MED27: variants seen among roughly 807,000 people sequenced by gnomAD.
MED27 encodes the protein mediator complex subunit 27.
A neutral mutation model predicts 38.2 loss-of-function variants in MED27; 30 were observed. The observed-to-expected ratio is 0.79, with a 90% confidence interval of 0.59 to 1.07. The LOEUF is 1.07. MED27 is among the 50% of genes least tolerant of loss of function. MED27 has a pLI of 0.00. For missense variants in MED27, 289 were observed against 397.5 expected (o/e 0.73, Z 2.32); for synonymous variants, 122 against 153.5 (o/e 0.79, Z 1.52).
intron 4 of MED27, among the ~76,000 whole-genome samples, chr9:131,909,072 G>A (rs373301169): frequency 6.6e-6 from 1 of 152,088 alleles, no homozygotes; most frequent in Non-Finnish European, 1.5e-5. Context: ...GAATTGATAT[G>A]ATTTGCTGAT....
At position 132,009,536 on chromosome 9, in the gene MED27, G is replaced by T. The variant is rs912850140; in HGVS notation, c.479+4801C>A. Reference sequence around the variant, plus strand: ...CATGAGGATATTCAAGCAGCCTGCGGAGAGGCCTAGGTGGAGAGGAACCGA... The same window carrying T: ...CATGAGGATATTCAAGCAGCCTGCGTAGAGGCCTAGGTGGAGAGGAACCGA... On this transcript the variant is annotated intron_variant, in intron 3 of 7. Coordinates refer to ENST00000292035, the MANE Select transcript of MED27 (RefSeq NM_004269.4). Among the ~76,000 whole-genome samples, 7 of 152,338 alleles carry T rather than the reference G, an allele frequency of 4.6e-5. No individual in the cohort carries two copies. The South Asian group carries it at 6.2e-4, about 14-fold the overall frequency.
intron 3 of MED27, among the ~76,000 whole-genome samples, chr9:131,986,375 G>A (rs1831850198): frequency 6.6e-6 from 1 of 152,128 alleles, no homozygotes; most frequent in African/African-American, 2.4e-5. Flanking sequence ...TAGAGGCAGG[G>A]TCTTGCTATG....
intron 2 of MED27, among the ~76,000 whole-genome samples, chr9:132,028,754 T>C (rs1832884227): frequency 6.6e-6 from 1 of 152,052 alleles, no homozygotes; most frequent in Non-Finnish European, 1.5e-5. Flanking sequence ...CCAGAGATCA[T>C]CTGCAACAGA....
chr9:131,922,238 T>C (rs532963642), intron 4 of MED27, among the ~76,000 whole-genome samples: 8 of 152,146 alleles, frequency 5.3e-5, no homozygotes, highest in African/African-American at 1.7e-4. Flanking sequence ...CCACAGCTAT[T>C]GTTAAAGAAA....
At chr9:131,907,343 G>A (rs922926571) in intron 4 of MED27, among the ~76,000 whole-genome samples, 7 of 152,028 alleles carry the variant, frequency 4.6e-5, no homozygotes, top group Non-Finnish European at 1.0e-4. Flanking sequence ...CTCAGCCTGC[G>A]AGTGCCTGCG....
At chr9:131,865,958 G>A (rs1279038454) in intron 6 of MED27, among the ~76,000 whole-genome samples, 1 of 152,168 alleles carries the variant, frequency 6.6e-6, no homozygotes, top group African/African-American at 2.4e-5. Flanking sequence ...GCACTGCCAC[G>A]TGGCCACCAG....
At chr9:131,866,173 A>G (rs1838733584) in intron 6 of MED27, among the ~76,000 whole-genome samples, 1 of 152,014 alleles carries the variant, frequency 6.6e-6, no homozygotes, top group Non-Finnish European at 1.5e-5. Context: ...CCTGATCTTT[A>G]TTTGAGCTCA....
intron 4 of MED27, among the ~76,000 whole-genome samples, chr9:131,935,546 C>T (rs1199648488): frequency 6.6e-6 from 1 of 152,138 alleles, no homozygotes; most frequent in Non-Finnish European, 1.5e-5. Flanking sequence ...CCAGATACGA[C>T]CACCATCAGG....
rs185510379 is a variant in MED27, at chr9:132,067,633, T to C, written c.348+9809A>G. On this transcript the variant is annotated intron_variant, in intron 2 of 7. Coordinates refer to ENST00000292035, the MANE Select transcript of MED27 (RefSeq NM_004269.4). ...AAATGCAGGATGTCTGGGCTCCATT[T>C]TCACGTATGGACTCCAGTCCTCGCC... 1.2e-3 allele frequency among the ~76,000 whole-genome samples: 176 copies of C among 152,330 alleles called. 5 individuals carry two copies. The highest frequency in any genetic ancestry group is 0.011 in the Admixed American group (174 of 15,306).
At chr9:131,979,340 T>C (rs1450195035) in intron 3 of MED27, among the ~76,000 whole-genome samples, 3 of 152,156 alleles carry the variant, frequency 2.0e-5, no homozygotes, top group Non-Finnish European at 4.4e-5. Context: ...CTCTGCAATC[T>C]CGTTTTAAGC....
chr9:131,995,816 TG>T (rs1010703772), intron 3 of MED27, among the ~76,000 whole-genome samples: 1 of 152,176 alleles, frequency 6.6e-6, no homozygotes, highest in Non-Finnish European at 1.5e-5. Context: ...AGATGGGGTA[TG>T]GGGTACCATC....
intron 3 of MED27, among the ~76,000 whole-genome samples, chr9:131,978,781 T>C (rs1406596628): frequency 6.6e-6 from 1 of 152,240 alleles, no homozygotes; most frequent in Non-Finnish European, 1.5e-5. Context: ...CCAAATGGGC[T>C]GAAACACACT....
intron 2 of MED27, among the ~76,000 whole-genome samples, chr9:132,046,270 A>G (rs770676151): frequency 6.6e-6 from 1 of 152,222 alleles, no homozygotes; most frequent in Non-Finnish European, 1.5e-5. Context: ...CAACTAAGTA[A>G]AGATGAAAGT....
intron 4 of MED27, among the ~76,000 whole-genome samples, chr9:131,914,711 C>G (rs1480538987): frequency 6.6e-6 from 1 of 152,170 alleles, no homozygotes; most frequent in Non-Finnish European, 1.5e-5. Flanking sequence ...CTGAGCAGAA[C>G]AGTGACACTG....
At chr9:132,072,533 TC>T (rs1253797139) in intron 2 of MED27, among the ~76,000 whole-genome samples, 2 of 152,086 alleles carry the variant, frequency 1.3e-5, no homozygotes, top group Non-Finnish European at 2.9e-5. Flanking sequence ...GCTGTTCTTT[TC>T]ACAATGGCTC....
At chr9:131,999,256 A>G (rs10512418) in intron 3 of MED27, among the ~76,000 whole-genome samples, 25,141 of 152,122 alleles carry the variant, frequency 0.17, 2,167 homozygotes, top group East Asian at 0.31. Flanking sequence ...GAGAAGTTTC[A>G]GCTCAACCAT....
At chr9:131,956,315 GA>G (rs1831097802) in intron 3 of MED27, among the ~76,000 whole-genome samples, 1 of 152,174 alleles carries the variant, frequency 6.6e-6, no homozygotes, top group Non-Finnish European at 1.5e-5. Flanking sequence ...AGTTTTGCAA[GA>G]TGAAGAGTTC....
chr9:131,902,850 G>C (rs1003226497), intron 4 of MED27, among the ~76,000 whole-genome samples: 1 of 152,212 alleles, frequency 6.6e-6, no homozygotes, highest in African/African-American at 2.4e-5. Flanking sequence ...CAACAAGTCA[G>C]AAACCAACGT....
intron 4 of MED27, among the ~76,000 whole-genome samples, chr9:131,902,749 T>G (rs1829974579): frequency 6.6e-6 from 1 of 151,998 alleles, no homozygotes; most frequent in African/African-American, 2.4e-5. Flanking sequence ...AGATACAAAG[T>G]TGTTATAGCC....
Sources: allele counts gnomAD v4.1 joint callset (sites outside exome capture counted in the v4.1 genomes callset), GRCh38; gene constraint gnomAD v4.1.1; transcripts MANE v1.5; gene names NCBI Gene and HGNC (gene_info 2026-07-23, HGNC 2026-07-21).